CEP112: variants seen among roughly 807,000 people sequenced by gnomAD.
CEP112 encodes centrosomal protein 112, also known as centrosomal protein of 112 kDa.
In CEP112, 127 loss-of-function variants were observed where a neutral mutation model predicts 153.0. The observed-to-expected ratio is 0.83, with a 90% CI of 0.72 to 0.96. The LOEUF is 0.96. Ranked by LOEUF, CEP112 falls within the 40% of genes least tolerant of loss-of-function variation. CEP112 has a pLI of 0.00. For missense variants in CEP112, 1,089 were observed against 1,101.2 expected (o/e 0.99, Z 0.16); for synonymous variants, 358 against 374.4 (o/e 0.96, Z 0.51).
At chr17:65,944,872 C>T (rs1173498474) in intron 18 of CEP112, among the ~76,000 whole-genome samples, 1 of 152,168 alleles carries the variant, frequency 6.6e-6, no homozygotes. Flanking sequence ...GTCACCACGC[C>T]TGGCCAAAAC....
chr17:65,775,624 T>G (rs2053634348), intron 21 of CEP112, among the ~76,000 whole-genome samples: 1 of 152,138 alleles, frequency 6.6e-6, no homozygotes, highest in Admixed American at 6.5e-5. Flanking sequence ...TGTCTCAGCC[T>G]CCCGAGTAGT....
intron 21 of CEP112, among the ~76,000 whole-genome samples, chr17:65,797,516 T>G (rs184771160): frequency 6.6e-6 from 1 of 152,360 alleles, no homozygotes; most frequent in East Asian, 1.9e-4. Context: ...GTTTATCCTA[T>G]CTGCAAATTC....
At chr17:65,885,514 C>T (rs2146656516) in intron 20 of CEP112, among the ~76,000 whole-genome samples, 1 of 152,138 alleles carries the variant, frequency 6.6e-6, no homozygotes, top group South Asian at 2.1e-4. Context: ...TTTGAATTAA[C>T]TGCCTATGCT....
In CEP112 at chr17:66,066,361, T is replaced by C. The variant is rs568581521; in HGVS notation, c.955+417A>G. On this transcript the variant is annotated intron_variant, in intron 10 of 26. Coordinates refer to ENST00000535342, the MANE Select transcript of CEP112 (RefSeq NM_001199165.4). ...CAGACATAAAAGTAGATACTTAATGTAATGAATTTTACTAGATAAAGAAGA... is the reference window on the plus strand; with the variant it reads ...CAGACATAAAAGTAGATACTTAATGCAATGAATTTTACTAGATAAAGAAGA... 3.9e-5 allele frequency among the ~76,000 whole-genome samples: 6 copies of C among 152,340 alleles called. 1 individual carries two copies. In the South Asian group the frequency reaches 1.2e-3, roughly 32 times the overall value.
chr17:65,896,014 TATA>T (rs1374541953), intron 20 of CEP112, among the ~76,000 whole-genome samples: 10 of 152,148 alleles, frequency 6.6e-5, no homozygotes, highest in African/African-American at 1.7e-4. Context: ...ATCCATTAAA[TATA>T]ATGAGAACAA....
chr17:65,795,769 G>A (rs558071121), intron 21 of CEP112, among the ~76,000 whole-genome samples: 1 of 152,176 alleles, frequency 6.6e-6, no homozygotes, highest in African/African-American at 2.4e-5. Flanking sequence ...CTGAGATCAC[G>A]CCACTGCACT....
intron 4 of CEP112, among the ~76,000 whole-genome samples, chr17:66,161,146 C>T (rs1384497814): frequency 6.6e-6 from 1 of 152,132 alleles, no homozygotes; most frequent in Non-Finnish European, 1.5e-5. Flanking sequence ...CCATCTCACA[C>T]CAGTTAGAAT....
chr17:66,150,006 G>C (rs2071125605), intron 4 of CEP112, among the ~76,000 whole-genome samples: 1 of 139,650 alleles, frequency 7.2e-6, no homozygotes, highest in Non-Finnish European at 1.5e-5. Flanking sequence ...TGATTCTCCT[G>C]CCTCGGCCTC....
At chr17:66,143,849 C>T (rs572460357) in intron 4 of CEP112, among the ~76,000 whole-genome samples, 5 of 152,298 alleles carry the variant, frequency 3.3e-5, no homozygotes, top group African/African-American at 1.2e-4. Context: ...AGCACTAAGA[C>T]CTATCATGAA....
intron 19 of CEP112, among the ~76,000 whole-genome samples, chr17:65,907,265 A>T (rs1296657602): frequency 2.0e-5 from 3 of 152,208 alleles, no homozygotes; most frequent in Non-Finnish European, 1.5e-5. Flanking sequence ...AGACTCATCA[A>T]TGATCATGCC....
intron 20 of CEP112, among the ~76,000 whole-genome samples, chr17:65,893,866 G>A (rs913167236): frequency 5.3e-5 from 8 of 152,012 alleles, no homozygotes; most frequent in African/African-American, 1.9e-4. Context: ...TCCTGAATGG[G>A]AGACAAAATG....
intron 23 of CEP112, among the ~76,000 whole-genome samples, chr17:65,742,003 A>T (rs1227665902): frequency 7.0e-6 from 1 of 143,770 alleles, no homozygotes; most frequent in Non-Finnish European, 1.5e-5. Flanking sequence ...AAATGTCATT[A>T]AAAAAAAAAA....
At chr17:65,641,743 CCACCAAAACCCCCA>C (rs2045147705) in intron 24 of CEP112, among the ~76,000 whole-genome samples, 1 of 152,088 alleles carries the variant, frequency 6.6e-6, no homozygotes, top group Non-Finnish European at 1.5e-5. Context: ...AAGACTTTTT[CCACCAAAACCCCCA>C]AAAATCCCTA....
intron 20 of CEP112, among the ~76,000 whole-genome samples, chr17:65,860,536 T>C (rs975145549): frequency 2.0e-5 from 3 of 152,196 alleles, no homozygotes; most frequent in African/African-American, 2.4e-5. Context: ...CAGTATAGTC[T>C]TATCATAGAG....
intron 4 of CEP112, among the ~76,000 whole-genome samples, chr17:66,157,163 G>C (rs2071480575): frequency 1.3e-5 from 2 of 152,204 alleles, no homozygotes; most frequent in Non-Finnish European, 2.9e-5. Flanking sequence ...AAGCCCATCA[G>C]ACTAACATCG....
intron 17 of CEP112, among the ~76,000 whole-genome samples, chr17:65,999,011 C>T (rs1352050194): frequency 2.0e-5 from 3 of 151,956 alleles, no homozygotes; most frequent in Non-Finnish European, 4.4e-5. Context: ...ATAATATCTA[C>T]CATTCTCCAC....
chr17:66,087,606 C>T (rs982905723), intron 8 of CEP112, among the ~76,000 whole-genome samples: 6 of 152,134 alleles, frequency 3.9e-5, no homozygotes, highest in African/African-American at 1.2e-4. Flanking sequence ...TTCAAGCCCT[C>T]GTCCCTCCAC....
At chr17:65,719,205 G>A (rs1451357191) in intron 23 of CEP112, among the ~76,000 whole-genome samples, 1 of 152,222 alleles carries the variant, frequency 6.6e-6, no homozygotes, top group Admixed American at 6.5e-5. Context: ...GCCAGTGGGA[G>A]GTGCAACAGC....
chr17:65,921,363 T>A (rs934363041), intron 19 of CEP112, among the ~76,000 whole-genome samples: 1 of 152,054 alleles, frequency 6.6e-6, no homozygotes, highest in Non-Finnish European at 1.5e-5. Context: ...ATGATAAACT[T>A]CCACAGGAAA....
Sources: allele counts gnomAD v4.1 joint callset (sites outside exome capture counted in the v4.1 genomes callset), GRCh38; gene constraint gnomAD v4.1.1; transcripts MANE v1.5; gene names NCBI Gene and HGNC (gene_info 2026-07-23, HGNC 2026-07-21).